The following WASF2 variants were observed in gnomAD, a reference collection of about 807,000 sequenced individuals.
WASF2 encodes actin-binding protein WASF2.
Under a neutral mutation model 45.0 loss-of-function variants are expected in WASF2, and 14 were observed. That is an observed-to-expected ratio of 0.31 (90% CI 0.21 to 0.49). WASF2 has a LOEUF of 0.49. WASF2 is among the 20% of genes least tolerant of loss of function. The pLI is 0.99. For missense variants in WASF2, 439 were observed against 636.1 expected (o/e 0.69, Z 3.33); for synonymous variants, 200 against 236.3 (o/e 0.85, Z 1.41).
chr1:27,483,306 C>T (rs2017877488), intron 1 of WASF2, among the ~76,000 whole-genome samples: 1 of 152,052 alleles, frequency 6.6e-6, no homozygotes, highest in African/African-American at 2.4e-5. Flanking sequence ...CCCATCTCTA[C>T]TAAAAATGCA....
chr1:27,469,410 T>C (rs2017659873), intron 1 of WASF2, among the ~76,000 whole-genome samples: 1 of 152,186 alleles, frequency 6.6e-6, no homozygotes, highest in South Asian at 2.1e-4. Flanking sequence ...TCTACAAAAA[T>C]GTATGAAAAT....
chr1:27,448,254 A>C (rs2017336273), intron 1 of WASF2, among the ~76,000 whole-genome samples: 1 of 152,194 alleles, frequency 6.6e-6, no homozygotes, highest in African/African-American at 2.4e-5. Flanking sequence ...TGACATTGAC[A>C]TGGGGGCTTG....
intron 1 of WASF2, among the ~76,000 whole-genome samples, chr1:27,476,901 A>C (rs1041473194): frequency 5.3e-5 from 8 of 152,236 alleles, no homozygotes; most frequent in African/African-American, 1.9e-4. Flanking sequence ...GTAGACAAAA[A>C]TAAGGTAATT....
At chr1:27,428,611 C>A in intron 2 of WASF2, 150 bp downstream of exon 2, 1 of 1,166,778 alleles carries the variant, frequency 8.6e-7, no homozygotes, top group South Asian at 1.4e-5. Context: ...CAAAAGGGAG[C>A]CTCTCTTTGG....
chr1:27,479,607 G>A (rs1186707319), intron 1 of WASF2, among the ~76,000 whole-genome samples: 2 of 152,346 alleles, frequency 1.3e-5, no homozygotes, highest in East Asian at 1.9e-4. Context: ...GCTCACGCCT[G>A]TAATCCCAGC....
intron 1 of WASF2, among the ~76,000 whole-genome samples, chr1:27,453,983 A>G (rs1208833493): frequency 6.6e-6 from 1 of 151,686 alleles, no homozygotes; most frequent in East Asian, 1.9e-4. Flanking sequence ...AACTATCTTA[A>G]ACGTGTGACG....
intron 1 of WASF2, among the ~76,000 whole-genome samples, chr1:27,476,789 A>G (rs1483296171): frequency 6.6e-6 from 1 of 152,222 alleles, no homozygotes; most frequent in Non-Finnish European, 1.5e-5. Context: ...TAGAAAAAAC[A>G]ATAGTGAAAT....
rs374411096 is a variant in WASF2, at chr1:27,486,941, A to C, written c.-44+3045T>G. ...ATAATATATAGATTATATTTTACATATATAACTCATACATTATAGATGATA... is the reference window on the plus strand; with the variant it reads ...ATAATATATAGATTATATTTTACATCTATAACTCATACATTATAGATGATA... On this transcript the variant is annotated intron_variant, in intron 1 of 8. Transcript: ENST00000618852. 2.3e-4 allele frequency among the ~76,000 whole-genome samples: 34 copies of C among 148,188 alleles called. No individual in the cohort carries two copies. The South Asian group carries it at 6.5e-3, about 28-fold the overall frequency.
intron 1 of WASF2, among the ~76,000 whole-genome samples, chr1:27,442,893 C>G (rs1249254816): frequency 1.4e-5 from 2 of 147,972 alleles, no homozygotes; most frequent in African/African-American, 5.0e-5. Context: ...ACCAGCTACT[C>G]AGGAGGAGAA....
chr1:27,410,359 C>G lies in WASF2; in HGVS notation c.825-153G>C, dbSNP rs192338460. The stretch of plus-strand genomic sequence containing the variant: ...AAGAAAAGCCTACAGATGGTCATAA[C>G]AGACCAATAATGAAATAAGCAGCCT... On this transcript the variant is annotated intron_variant, in intron 7 of 8. Coordinates refer to ENST00000618852, the MANE Select transcript of WASF2 (RefSeq NM_006990.5). The surrounding 1 kb of genome is among the most constrained non-coding windows in gnomAD (Gnocchi z 4.2). Among the ~76,000 whole-genome samples, 169 of 152,304 alleles carry G rather than the reference C, an allele frequency of 1.1e-3. No individual in the cohort carries two copies. The highest frequency in any genetic ancestry group is 3.8e-3 in the African/African-American group (159 of 41,564).
intron 1 of WASF2, among the ~76,000 whole-genome samples, chr1:27,454,648 T>A (rs967786497): frequency 6.6e-6 from 1 of 152,166 alleles, no homozygotes; most frequent in Admixed American, 6.6e-5. Context: ...ACTTTTAAAA[T>A]TTTTTTGTAG....
At chr1:27,471,337 T>C (rs2017685808) in intron 1 of WASF2, among the ~76,000 whole-genome samples, 1 of 118,102 alleles carries the variant, frequency 8.5e-6, no homozygotes, top group African/African-American at 3.6e-5. Flanking sequence ...AGAGCGAGAC[T>C]CTGTCTCAAA....
Position 27,410,276 on chromosome 1 carries a change from G to A in WASF2, c.825-70C>T. Reference sequence around the variant, plus strand: ...CAGACACCTATCTACAGTTAGCCTTGTCTACAGACCGAGGTTTATCTTGGT... The same window carrying A: ...CAGACACCTATCTACAGTTAGCCTTATCTACAGACCGAGGTTTATCTTGGT... On this transcript the variant is annotated intron_variant, in intron 7 of 8. Transcript: ENST00000618852. This position sits in a 1 kb window ranked among gnomAD's most constrained non-coding sequence, Gnocchi z 4.2. The A allele has an allele frequency of 6.3e-7, 1 of 1,584,572 alleles. No homozygotes were observed. Among genetic ancestry groups the A allele is most frequent in the Non-Finnish European group, 8.6e-7 (1 of 1,160,916 alleles).
intron 5 of WASF2, among the ~76,000 whole-genome samples, 188 bp from the exon 6 acceptor site, chr1:27,415,151 TG>T (rs1270926090): frequency 6.6e-6 from 1 of 152,120 alleles, no homozygotes; most frequent in African/African-American, 2.4e-5. Context: ...CATCCCCGGG[TG>T]AAACATTTGC....
intron 1 of WASF2, among the ~76,000 whole-genome samples, chr1:27,484,993 T>C (rs1193610899): frequency 6.7e-6 from 1 of 149,166 alleles, no homozygotes; most frequent in Non-Finnish European, 1.5e-5. Flanking sequence ...CTACTAAAAA[T>C]ACAAAACTTA....
intron 1 of WASF2, among the ~76,000 whole-genome samples, chr1:27,475,795 T>C (rs1005204185): frequency 6.6e-6 from 1 of 152,106 alleles, no homozygotes; most frequent in African/African-American, 2.4e-5. Flanking sequence ...ACCCAGCTAA[T>C]TTTTGTATTT....
At chr1:27,438,216 C>T (rs960813230) in intron 1 of WASF2, among the ~76,000 whole-genome samples, 6 of 152,230 alleles carry the variant, frequency 3.9e-5, no homozygotes, top group African/African-American at 1.4e-4. Context: ...ATTTTACTAT[C>T]ATACTATGCG....
At chr1:27,461,482 A>T (rs1448494870) in intron 1 of WASF2, among the ~76,000 whole-genome samples, 1 of 134,970 alleles carries the variant, frequency 7.4e-6, no homozygotes, top group Non-Finnish European at 1.5e-5. Flanking sequence ...TTTTTTTGAG[A>T]CGGAGTCTCG....
chr1:27,454,935 T>C (rs1280980191), intron 1 of WASF2, among the ~76,000 whole-genome samples: 1 of 152,114 alleles, frequency 6.6e-6, no homozygotes, highest in Non-Finnish European at 1.5e-5. Context: ...ATGGATGTTT[T>C]TGTACATGTC....
Sources: allele counts gnomAD v4.1 joint callset (sites outside exome capture counted in the v4.1 genomes callset), GRCh38; gene constraint gnomAD v4.1.1; non-coding constraint Gnocchi (gnomAD v3.1); transcripts MANE v1.5; gene names NCBI Gene and HGNC (gene_info 2026-07-23, HGNC 2026-07-21).